Variants in PIKFYVE observed in about 807,000 individuals in gnomAD.
PIKFYVE encodes the protein phosphoinositide kinase, FYVE-type zinc finger containing.
Under a neutral mutation model 257.9 loss-of-function variants are expected in PIKFYVE, and 122 were observed. That is an observed-to-expected ratio of 0.47 (90% CI 0.41 to 0.55). PIKFYVE has a LOEUF of 0.55. Among genes scored for constraint, PIKFYVE ranks in the 20% least tolerant of loss-of-function variants. The probability of loss-of-function intolerance (pLI) is 0.00; values close to 1 mark genes in which losing one functional copy is unlikely to be tolerated. For missense variants in PIKFYVE, 2,160 were observed against 2,536.6 expected (o/e 0.85, Z 3.19); for synonymous variants, 892 against 868.9 (o/e 1.03, Z -0.47).
chr2:208,305,080 A>C, intron 12 of PIKFYVE, 67 bp downstream of exon 12: 1 of 1,604,866 alleles, frequency 6.2e-7, no homozygotes, highest in Non-Finnish European at 8.5e-7. Flanking sequence ...ATCTCATGCC[A>C]GCCTGTCCTT....
At chr2:208,315,871 C>CT (rs1222291436) in intron 15 of PIKFYVE, among the ~76,000 whole-genome samples, 13 of 147,588 alleles carry the variant, frequency 8.8e-5, no homozygotes, top group Admixed American at 5.4e-4. Flanking sequence ...ATGTCTCTTT[C>CT]TTTTTTTTTA....
At chr2:208,291,091 A>G (rs901424850) in intron 7 of PIKFYVE, among the ~76,000 whole-genome samples, 1 of 152,122 alleles carries the variant, frequency 6.6e-6, no homozygotes, top group African/African-American at 2.4e-5. Context: ...TTAGTGGGAA[A>G]GCTTTGAGTT....
chr2:208,340,059 A>G lies in PIKFYVE; in HGVS notation c.4859A>G (p.Glu1620Gly). ...LLGSTDSQVK[E>G]KSTMKAIFAN... ...GGATCCACAGACAGCCAAGTGAAGG[A>G]AAAGTCAACCATGAAAGCCATCTTT... is the stretch of plus-strand genomic sequence containing the variant. The change falls in exon 31 of 42, where the codon GAA (glutamate) becomes GGA (glycine). Residue 1620 changes from glutamate to glycine, a missense_variant. By Grantham distance (98) the Glu-to-Gly change is moderately conservative. This residue lies in a region of PIKFYVE where 699 missense variants were observed against 855.8 expected (regional missense o/e 0.82). Transcript: ENST00000264380. 1 of 1,614,002 alleles carries G rather than the reference A, an allele frequency of 6.2e-7. No homozygotes were observed. Among genetic ancestry groups the G allele is most frequent in the Non-Finnish European group, 8.5e-7 (1 of 1,179,850 alleles).
Position 208,330,703 on chromosome 2 carries a change from A to G in PIKFYVE, c.3963+9A>G, listed in dbSNP as rs1697434616. On this transcript the variant is annotated intron_variant, in intron 23 of 41. Transcript: ENST00000264380. ...GTAGAATCTGCAAACAGGTAAATAG[A>G]CCCTATTACTATATTTTGTTTGCCA... The G allele has an allele frequency of 1.2e-6, 2 of 1,608,800 alleles. No homozygotes were observed. Among genetic ancestry groups the G allele is most frequent in the Non-Finnish European group, 1.7e-6 (2 of 1,177,248 alleles).
chr2:208,342,108 T>C (rs75492317), intron 31 of PIKFYVE, among the ~76,000 whole-genome samples: 1 of 152,170 alleles, frequency 6.6e-6, no homozygotes, highest in Non-Finnish European at 1.5e-5. Context: ...TGAGTTAGGG[T>C]CGGAGTCAGG....
chr2:208,317,693 A>G (rs1695705727), intron 15 of PIKFYVE, among the ~76,000 whole-genome samples, 174 bp from the exon 16 acceptor site: 1 of 152,218 alleles, frequency 6.6e-6, no homozygotes. Flanking sequence ...AAACAGAGTC[A>G]TGCAGAGATG....
chr2:208,352,884 A>C lies in PIKFYVE; in HGVS notation c.5844+102A>C, dbSNP rs71418681. The C allele has an allele frequency of 1.0e-2, 14,251 of 1,430,674 alleles. 77 individuals carry two copies. Among genetic ancestry groups the C allele is most frequent in the Non-Finnish European group, 0.012 (12,548 of 1,037,020 alleles). 88.6% of individuals were successfully genotyped at this position (1,430,674 alleles called of 1,614,324 possible). On this transcript the variant is annotated intron_variant, in intron 39 of 41. Coordinates refer to ENST00000264380, the MANE Select transcript of PIKFYVE (RefSeq NM_015040.4). ...GAGAGTAACATCTTATTTTATAGTA[A>C]ATATTTAACTTTGGTTACTAGGCCA...
At chr2:208,270,234 G>T (rs1026226322) in intron 1 of PIKFYVE, among the ~76,000 whole-genome samples, 3 of 151,818 alleles carry the variant, frequency 2.0e-5, no homozygotes, top group Admixed American at 6.6e-5. Context: ...TAGAGATGGG[G>T]TTTCACCATG....
At chr2:208,299,220 A>G (rs1693373545) in intron 8 of PIKFYVE, among the ~76,000 whole-genome samples, 1 of 152,202 alleles carries the variant, frequency 6.6e-6, no homozygotes, top group Non-Finnish European at 1.5e-5. Context: ...CAGTTTTACT[A>G]GGATCACCTG....
chr2:208,339,932 G>C (rs1698542064), intron 30 of PIKFYVE, 79 bp from the exon 31 acceptor site: 3 of 1,515,848 alleles, frequency 2.0e-6, no homozygotes, highest in Non-Finnish European at 2.7e-6. Flanking sequence ...ATTCCGAAAG[G>C]AAAAGAACCA....
chr2:208,352,460 T>C (rs769692408), intron 38 of PIKFYVE, among the ~76,000 whole-genome samples, 194 bp from the exon 39 acceptor site: 1 of 152,230 alleles, frequency 6.6e-6, no homozygotes, highest in Non-Finnish European at 1.5e-5. Flanking sequence ...GGGAGAATGT[T>C]AAGGATCTAA....
At chr2:208,338,709 C>T in intron 29 of PIKFYVE, 141 bp downstream of exon 29, 2 of 762,522 alleles carry the variant, frequency 2.6e-6, no homozygotes, top group Non-Finnish European at 4.5e-6. Flanking sequence ...CACTTGTAAT[C>T]CTATCAGATT....
At chr2:208,331,458 A>G (rs1169607490) in intron 23 of PIKFYVE, among the ~76,000 whole-genome samples, 1 of 152,044 alleles carries the variant, frequency 6.6e-6, no homozygotes, top group Non-Finnish European at 1.5e-5. Context: ...GCTCACTGCA[A>G]CCTCTGTCTC....
intron 30 of PIKFYVE, 39 bp from the exon 31 acceptor site, chr2:208,339,972 G>A (rs1698544833): frequency 3.1e-6 from 5 of 1,596,536 alleles, no homozygotes; most frequent in Non-Finnish European, 4.3e-6. Flanking sequence ...CTTATTCTCT[G>A]TGAATATTAA....
intron 5 of PIKFYVE, among the ~76,000 whole-genome samples, chr2:208,285,246 T>C (rs1043188035): frequency 9.9e-5 from 15 of 152,004 alleles, no homozygotes; most frequent in African/African-American, 3.6e-4. Context: ...CAGGTATGCG[T>C]TACCATGCCC....
Position 208,340,116 on chromosome 2 carries a change from C to G in PIKFYVE, c.4916C>G (p.Pro1639Arg). 6.2e-7 allele frequency: 1 copy of G among 1,613,956 alleles called. No individual in the cohort carries two copies. The highest frequency in any genetic ancestry group is 8.5e-7 in the Non-Finnish European group (1 of 1,179,914). ...TTGCTTCCAGGAAATAGCTATAATC[C>G]TATTCCATTTCCTTTGTAAGTATTA... is the stretch of plus-strand genomic sequence containing the variant. ...ANLLPGNSYNPIPFPFDPDKH... is the reference protein window; with the variant it reads ...ANLLPGNSYNRIPFPFDPDKH... The change falls in exon 31 of 42, where the codon CCT becomes CGT. Residue 1639 changes from proline to arginine, a missense_variant. Physicochemically the swap from Pro to Arg is moderately radical, Grantham distance 103. Transcript: ENST00000264380.
intron 7 of PIKFYVE, among the ~76,000 whole-genome samples, chr2:208,295,012 C>G (rs1483351439): frequency 6.6e-6 from 1 of 151,986 alleles, no homozygotes; most frequent in Non-Finnish European, 1.5e-5. Context: ...TCTGGTTTGT[C>G]TACACTGAGC....
At chr2:208,280,934 C>T (rs956536320) in intron 5 of PIKFYVE, among the ~76,000 whole-genome samples, 6 of 152,158 alleles carry the variant, frequency 3.9e-5, no homozygotes, top group African/African-American at 1.2e-4. Context: ...TTGTCTTTGG[C>T]GACTAAAGTG....
intron 5 of PIKFYVE, among the ~76,000 whole-genome samples, 176 bp from the exon 6 acceptor site, chr2:208,285,550 G>A (rs1220731859): frequency 6.6e-6 from 1 of 151,944 alleles, no homozygotes; most frequent in East Asian, 1.9e-4. Flanking sequence ...ATATAATAGA[G>A]CTAACAAAAT....
Sources: allele counts gnomAD v4.1 joint callset (sites outside exome capture counted in the v4.1 genomes callset), GRCh38; gene constraint gnomAD v4.1.1; regional missense constraint gnomAD v4.1.1; transcripts MANE v1.5; gene names NCBI Gene and HGNC (gene_info 2026-07-23, HGNC 2026-07-21).